PAX3: variants seen among roughly 807,000 people sequenced by gnomAD.
PAX3 encodes paired box protein Pax-3.
PAX3 carries 14 observed loss-of-function variants against 51.6 expected under a neutral mutation model. That is an observed-to-expected ratio of 0.27 (90% CI 0.18 to 0.42). The LOEUF is 0.42. Among genes scored for constraint, PAX3 ranks in the 10% least tolerant of loss-of-function variants. The pLI, the probability that PAX3 is intolerant of heterozygous loss-of-function variation, is 1.00. For missense variants in PAX3, 540 were observed against 642.8 expected, an observed-to-expected ratio of 0.84 and a Z score of 1.73; for synonymous variants, 280 against 253.4, an observed-to-expected ratio of 1.11 and a Z score of -1.00.
chr2:222,222,346 A>C (rs1043858965), intron 5 of PAX3, among the ~76,000 whole-genome samples: 1 of 152,042 alleles, frequency 6.6e-6, no homozygotes, highest in African/African-American at 2.4e-5. Flanking sequence ...TTCCCCTAAA[A>C]TGAGAGAGGA....
chr2:222,266,359 G>A (rs1038173802), intron 4 of PAX3, among the ~76,000 whole-genome samples: 3 of 152,170 alleles, frequency 2.0e-5, no homozygotes, highest in Non-Finnish European at 2.9e-5. Context: ...AGAAGAACTT[G>A]GCACCCCTGT....
intron 4 of PAX3, among the ~76,000 whole-genome samples, chr2:222,240,381 G>A (rs1221419376): frequency 1.3e-5 from 2 of 152,172 alleles, no homozygotes; most frequent in Admixed American, 6.5e-5. Flanking sequence ...AGTTTCAGGT[G>A]TGTGCAGGAT....
intron 4 of PAX3, among the ~76,000 whole-genome samples, chr2:222,292,199 G>C (rs1455967954): frequency 6.6e-6 from 1 of 152,174 alleles, no homozygotes; most frequent in African/African-American, 2.4e-5. Context: ...GCAGCTATTG[G>C]GGCTCATTGA....
intron 4 of PAX3, among the ~76,000 whole-genome samples, chr2:222,259,480 A>G (rs564027785): frequency 1.3e-5 from 2 of 152,362 alleles, no homozygotes; most frequent in South Asian, 2.1e-4. Context: ...CATTCTACCA[A>G]TCAACATCTA....
chr2:222,280,082 G>A (rs889691397), intron 4 of PAX3, among the ~76,000 whole-genome samples: 16 of 152,074 alleles, frequency 1.1e-4, no homozygotes, highest in Middle Eastern at 3.4e-3. Flanking sequence ...GAGGTGGTGC[G>A]CGCCTGTAAT....
chr2:222,253,727 T>A (rs1417783154), intron 4 of PAX3, among the ~76,000 whole-genome samples: 1 of 152,068 alleles, frequency 6.6e-6, no homozygotes, highest in Non-Finnish European at 1.5e-5. Context: ...CCTAGCTCAC[T>A]GCAGCCTCAA....
chr2:222,298,493 C>A, intron 1 of PAX3, 38 bp downstream of exon 1: 1 of 1,526,244 alleles, frequency 6.6e-7, no homozygotes, highest in South Asian at 1.2e-5. Context: ...CGGTCCCAGG[C>A]CCTGGGATCC....
chr2:222,227,055 AT>A (rs1442393559), intron 5 of PAX3, among the ~76,000 whole-genome samples: 1 of 151,904 alleles, frequency 6.6e-6, no homozygotes, highest in Non-Finnish European at 1.5e-5. Flanking sequence ...CCAACCCCAT[AT>A]TTTTTTAAAT....
chr2:222,295,770 T>C lies in PAX3; in HGVS notation c.322-113A>G. ...CTCCTCGCTGAATCCTCTGGGACGG[T>C]CCCCCTTTGTGAGCAAAAAGACCTG... On this transcript the variant is annotated intron_variant, in intron 2 of 8. Coordinates refer to ENST00000392070, the MANE Select transcript of PAX3 (RefSeq NM_181458.4). The C allele has an allele frequency of 6.3e-6, 8 of 1,262,924 alleles. No homozygotes were observed. In the South Asian group the frequency reaches 7.2e-5, roughly 11 times the overall value. The allele number at this position is 1,262,924 out of a possible 1,614,324, so 78.2% of individuals were successfully genotyped here.
rs1177162336 is a variant in PAX3, at chr2:222,232,292, A to G, written c.587-9T>C. The G allele has an allele frequency of 6.2e-7, 1 of 1,611,126 alleles. No individual in the cohort carries two copies. The highest frequency in any genetic ancestry group is 8.5e-7 in the Non-Finnish European group (1 of 1,177,390). ...TGATTGGGGTGCTGAGGCTAAAAGC[A>G]CAGAAGAACAAAACATCATAAAATG... On this transcript the variant is annotated splice_polypyrimidine_tract_variant and intron_variant, in intron 4 of 8. Coordinates refer to ENST00000392070, the MANE Select transcript of PAX3 (RefSeq NM_181458.4).
chr2:222,295,604 G>A lies in PAX3; in HGVS notation c.375C>T (p.Asn125=). Residue 125 remains asparagine, a synonymous_variant, in exon 3 of 9, where the codon AAC becomes AAT. Transcript: ENST00000392070. ...EKKIEEYKRE[N]PGMFSWEIRD... ...GGATTTCCCAGCTGAACATGCCCGG[G>A]TTCTCTCTTTTGTATTCCTCAATTT... 1 of 1,614,172 alleles carries A rather than the reference G, an allele frequency of 6.2e-7. No homozygotes were observed. Among genetic ancestry groups the A allele is most frequent in the South Asian group, 1.1e-5 (1 of 91,090 alleles).
At chr2:222,238,917 G>A (rs1042514485) in intron 4 of PAX3, among the ~76,000 whole-genome samples, 2 of 152,168 alleles carry the variant, frequency 1.3e-5, no homozygotes, top group African/African-American at 4.8e-5. Flanking sequence ...AAGGTCTCCT[G>A]CGCTTGTGAG....
At chr2:222,296,365 C>T (rs1695295422) in intron 2 of PAX3, among the ~76,000 whole-genome samples, 1 of 152,196 alleles carries the variant, frequency 6.6e-6, no homozygotes, top group Non-Finnish European at 1.5e-5. Context: ...GTGTAATTCC[C>T]TCCCACTCAG....
chr2:222,232,118 T>C lies in PAX3; in HGVS notation c.752A>G (p.Glu251Gly). 1.9e-6 allele frequency: 3 copies of C among 1,614,012 alleles called. No homozygotes were observed. The highest frequency in any genetic ancestry group is 2.5e-6 in the Non-Finnish European group (3 of 1,179,952). ...GGTGAGCTTCGCCCTCTGGGCCAGT[T>C]CCTCCCTAGTATAAATGTCAGGGTA... ...THYPDIYTREELAQRAKLTEA... is the reference protein window; with the variant it reads ...THYPDIYTREGLAQRAKLTEA... Residue 251 changes from glutamate (E) to glycine (G), a missense_variant, in exon 5 of 9, where the codon GAA (glutamate) becomes GGA (glycine). Glu to Gly is a moderately conservative substitution (Grantham distance 98, BLOSUM62 -2). Around this residue, in one of 3 missense-constraint regions of PAX3, gnomAD observed 427 missense variants for 483.6 expected, o/e 0.88. Coordinates refer to ENST00000392070, the MANE Select transcript of PAX3 (RefSeq NM_181458.4).
intron 7 of PAX3, among the ~76,000 whole-genome samples, chr2:222,211,283 T>C (rs1691723115): frequency 6.6e-6 from 1 of 152,194 alleles, no homozygotes; most frequent in Non-Finnish European, 1.5e-5. Flanking sequence ...TAGTATCGTC[T>C]AAGTTGAACA....
At chr2:222,216,702 A>G (rs1691971748) in intron 7 of PAX3, among the ~76,000 whole-genome samples, 2 of 148,296 alleles carry the variant, frequency 1.3e-5, no homozygotes, top group African/African-American at 2.5e-5. Flanking sequence ...GTACACATAC[A>G]CAAACACACA....
At chr2:222,212,626 C>A (rs956488994) in intron 7 of PAX3, among the ~76,000 whole-genome samples, 5 of 111,490 alleles carry the variant, frequency 4.5e-5, no homozygotes, top group East Asian at 2.5e-4. Flanking sequence ...AAAACAAACA[C>A]ACACACACAC....
chr2:222,229,290 TATATA>T (rs1246766069), intron 5 of PAX3, among the ~76,000 whole-genome samples: 2 of 150,244 alleles, frequency 1.3e-5, no homozygotes, highest in Admixed American at 1.3e-4. Context: ...TATATAGTAT[TATATA>T]ATATTACTAT....
chr2:222,282,702 A>G (rs1027402015), intron 4 of PAX3, among the ~76,000 whole-genome samples: 9 of 152,250 alleles, frequency 5.9e-5, no homozygotes, highest in African/African-American at 2.2e-4. Context: ...TAACATAAAG[A>G]GACTACTTTT....
Sources: allele counts gnomAD v4.1 joint callset (sites outside exome capture counted in the v4.1 genomes callset), GRCh38; gene constraint gnomAD v4.1.1; regional missense constraint gnomAD v4.1.1; transcripts MANE v1.5; gene names NCBI Gene and HGNC (gene_info 2026-07-23, HGNC 2026-07-21).